Variants in SLC25A21 observed in about 807,000 individuals in gnomAD.
SLC25A21 encodes the protein solute carrier family 25 member 21.
A neutral mutation model predicts 43.8 loss-of-function variants in SLC25A21; 47 were observed. The ratio of observed to expected loss-of-function variants is 1.07; its 90% confidence interval spans 0.85 to 1.37. The LOEUF (loss-of-function observed/expected upper bound fraction) is 1.37, where lower values mean the gene tolerates loss of function less well. Among genes scored for constraint, SLC25A21 ranks in the 40% most tolerant of loss-of-function variants. The probability of loss-of-function intolerance (pLI) is 0.00; values close to 1 mark genes in which losing one functional copy is unlikely to be tolerated. For synonymous variants in SLC25A21, 131 were observed against 121.3 expected (o/e 1.08, Z -0.52); for missense variants, 352 against 350.2 (o/e 1.00, Z -0.04).
At chr14:36,889,154 C>T (rs1008966795) in intron 1 of SLC25A21, among the ~76,000 whole-genome samples, 1 of 152,166 alleles carries the variant, frequency 6.6e-6, no homozygotes, top group Non-Finnish European at 1.5e-5. Flanking sequence ...TACACATATC[C>T]TTTATCATGG....
intron 1 of SLC25A21, among the ~76,000 whole-genome samples, chr14:37,042,342 C>T (rs947917095): frequency 6.6e-6 from 1 of 151,946 alleles, no homozygotes; most frequent in African/African-American, 2.4e-5. Context: ...AAATTGTTTC[C>T]AAAACACCCT....
chr14:36,863,252 G>T (rs1456415576), intron 2 of SLC25A21, among the ~76,000 whole-genome samples: 1 of 152,180 alleles, frequency 6.6e-6, no homozygotes, highest in African/African-American at 2.4e-5. Flanking sequence ...AGAAGGCTTT[G>T]CAGTTAAGCA....
intron 2 of SLC25A21, among the ~76,000 whole-genome samples, chr14:36,822,776 C>A (rs1355068580): frequency 6.6e-6 from 1 of 152,158 alleles, no homozygotes; most frequent in Admixed American, 6.5e-5. Context: ...TTCCTGTGAT[C>A]CTAGACACAT....
intron 3 of SLC25A21, among the ~76,000 whole-genome samples, chr14:36,747,017 TTATACA>T (rs1885526039): frequency 6.6e-6 from 1 of 152,146 alleles, no homozygotes; most frequent in South Asian, 2.1e-4. Context: ...ACACACACTC[TTATACA>T]TATACATCTA....
At chr14:36,703,951 G>A (rs914562655) in intron 7 of SLC25A21, among the ~76,000 whole-genome samples, 1 of 152,138 alleles carries the variant, frequency 6.6e-6, no homozygotes, top group African/African-American at 2.4e-5. Flanking sequence ...TGTTTCTGGG[G>A]AGAAAGTATA....
intron 1 of SLC25A21, among the ~76,000 whole-genome samples, chr14:37,069,954 C>T (rs1399526402): frequency 6.6e-6 from 1 of 152,172 alleles, no homozygotes. Flanking sequence ...ACGCACATTA[C>T]TGTTCACCCC....
intron 1 of SLC25A21, among the ~76,000 whole-genome samples, chr14:36,876,784 T>C (rs945323704): frequency 6.6e-6 from 1 of 151,636 alleles, no homozygotes; most frequent in Non-Finnish European, 1.5e-5. Flanking sequence ...TAATATTCTA[T>C]GTTTGTTGCT....
At chr14:36,810,054 C>T (rs1204011118) in intron 3 of SLC25A21, among the ~76,000 whole-genome samples, 1 of 152,064 alleles carries the variant, frequency 6.6e-6, no homozygotes, top group Non-Finnish European at 1.5e-5. Context: ...ATGAAATGCT[C>T]TTGCTCTGTA....
intron 3 of SLC25A21, among the ~76,000 whole-genome samples, chr14:36,738,556 A>G (rs983317370): frequency 6.6e-6 from 1 of 152,234 alleles, no homozygotes; most frequent in African/African-American, 2.4e-5. Flanking sequence ...GTTTATGTAC[A>G]GTGAAGGCAT....
In SLC25A21 at chr14:36,764,079, A is replaced by AGAAAGAAAGAAGGAAAGAAGGAAGGAAG. The variant is rs1555326615; in HGVS notation, c.204-29507_204-29506insCTTCCTTCCTTCTTTCCTTCTTTCTTTC. On this transcript the variant is annotated intron_variant, in intron 3 of 9. Coordinates refer to ENST00000331299, the MANE Select transcript of SLC25A21 (RefSeq NM_030631.4). The stretch of plus-strand genomic sequence containing the variant: ...AAGAAAGAAAGAAAGAAAGAAAGAA[A>AGAAAGAAAGAAGGAAAGAAGGAAGGAAG]GAAGGAAGGAAGGAAGGAAGGAAGG... 4.8e-4 allele frequency among the ~76,000 whole-genome samples: 20 copies of AGAAAGAAAGAAGGAAAGAAGGAAGGAAG among 41,866 alleles called. 2 individuals are homozygous for AGAAAGAAAGAAGGAAAGAAGGAAGGAAG. The highest frequency in any genetic ancestry group is 2.5e-3 in the African/African-American group (13 of 5,102). The allele number at this position is 41,866 out of a possible 152,430, so 27.5% of individuals were successfully genotyped here.
Position 36,746,364 on chromosome 14 carries a change from C to T in SLC25A21, c.204-11791G>A, listed in dbSNP as rs186225524. Among the ~76,000 whole-genome samples the T allele has an allele frequency of 1.7e-3, 193 of 112,806 alleles. 2 individuals carry two copies. The highest frequency in any genetic ancestry group is 5.0e-3 in the African/African-American group (187 of 37,468). 74.0% of individuals were successfully genotyped at this position (112,806 alleles called of 152,430 possible). A position where few individuals can be genotyped will look rare whatever the true frequency, so the allele number is the denominator to read the frequency against. ...TTAGAAACAGAAAGTCAAAAAACTT[C>T]GTGTTCTCCTTTATAAGTGGAAGCT... On this transcript the variant is annotated intron_variant, in intron 3 of 9. Transcript: ENST00000331299.
At chr14:36,907,584 T>G (rs574400469) in intron 1 of SLC25A21, among the ~76,000 whole-genome samples, 37 of 152,282 alleles carry the variant, frequency 2.4e-4, no homozygotes, top group Non-Finnish European at 4.4e-4. Flanking sequence ...CTTTATAAGA[T>G]TCCCTTGAGC....
At chr14:36,982,113 A>G (rs187566250) in intron 1 of SLC25A21, among the ~76,000 whole-genome samples, 2 of 147,624 alleles carry the variant, frequency 1.4e-5, no homozygotes, top group Admixed American at 1.3e-4. Context: ...ATTACTGTCA[A>G]CATGATGTGA....
chr14:37,151,257 C>T (rs1963754342), intron 1 of SLC25A21, among the ~76,000 whole-genome samples: 1 of 152,180 alleles, frequency 6.6e-6, no homozygotes, highest in African/African-American at 2.4e-5. Flanking sequence ...TTGGGTTGCT[C>T]TCACTCTACT....
chr14:36,687,027 C>T (rs2139144265), intron 7 of SLC25A21, among the ~76,000 whole-genome samples: 1 of 152,344 alleles, frequency 6.6e-6, no homozygotes, highest in Admixed American at 6.5e-5. Flanking sequence ...TCTTGGCTCA[C>T]AGCAACCTCC....
At chr14:36,854,568 T>C (rs1265497185) in intron 2 of SLC25A21, among the ~76,000 whole-genome samples, 1 of 152,208 alleles carries the variant, frequency 6.6e-6, no homozygotes, top group South Asian at 2.1e-4. Flanking sequence ...GACAATATGG[T>C]AAAGAACAAT....
chr14:36,840,859 G>A (rs988538441), intron 2 of SLC25A21, among the ~76,000 whole-genome samples: 12 of 152,126 alleles, frequency 7.9e-5, no homozygotes, highest in African/African-American at 4.8e-5. Flanking sequence ...GGAAAAGAGC[G>A]GCAGCTGCTA....
intron 6 of SLC25A21, among the ~76,000 whole-genome samples, chr14:36,714,252 G>C (rs1035566258): frequency 2.0e-5 from 3 of 152,232 alleles, no homozygotes; most frequent in African/African-American, 4.8e-5. Context: ...ATTTGAGGGA[G>C]AGAAAGCTTC....
chr14:36,727,708 T>A (rs1306453734), intron 5 of SLC25A21, among the ~76,000 whole-genome samples: 1 of 150,740 alleles, frequency 6.6e-6, no homozygotes, highest in African/African-American at 2.4e-5. Flanking sequence ...AAAAAGAAAA[T>A]GAAAAAGAAA....
Sources: gnomAD v4.1 joint callset for allele counts (sites outside exome capture counted in the v4.1 genomes callset) on GRCh38, gnomAD v4.1.1 for gene constraint, MANE v1.5 for transcripts, NCBI Gene and HGNC (gene_info 2026-07-23, HGNC 2026-07-21) for gene names.